The following MEGF11 variants were observed in gnomAD, a reference collection of about 807,000 sequenced individuals.
MEGF11 encodes the protein multiple EGF like domains 11, also known as multiple epidermal growth factor-like domains protein 11.
In MEGF11, 126 loss-of-function variants were observed where a neutral mutation model predicts 146.6. The observed-to-expected ratio is 0.86, with a 90% confidence interval of 0.74 to 1.00. MEGF11 has a LOEUF of 1.00. Among genes scored for constraint, MEGF11 ranks in the 50% least tolerant of loss-of-function variants. The pLI, the probability that MEGF11 is intolerant of heterozygous loss-of-function variation, is 0.00. For missense variants in MEGF11, 1,509 were observed against 1,521.2 expected (o/e 0.99, Z 0.13); for synonymous variants, 532 against 583.4 (o/e 0.91, Z 1.27).
chr15:66,031,516 A>G (rs2083518372), intron 5 of MEGF11, among the ~76,000 whole-genome samples: 1 of 152,126 alleles, frequency 6.6e-6, no homozygotes, highest in African/African-American at 2.4e-5. Context: ...CAGGATAACC[A>G]TTTCCCACTC....
At chr15:65,937,249 C>T (rs764385661) in intron 10 of MEGF11, among the ~76,000 whole-genome samples, 1 of 152,190 alleles carries the variant, frequency 6.6e-6, no homozygotes, top group Non-Finnish European at 1.5e-5. Flanking sequence ...GATCTTGTCA[C>T]ACACTGGAGA....
intron 5 of MEGF11, among the ~76,000 whole-genome samples, chr15:66,065,927 G>A (rs1321199748): frequency 6.6e-6 from 1 of 152,178 alleles, no homozygotes; most frequent in Non-Finnish European, 1.5e-5. Flanking sequence ...GGCCTGGGGT[G>A]AGGGCTGTGC....
chr15:66,229,187 A>T (rs2091913255), intron 1 of MEGF11, among the ~76,000 whole-genome samples: 1 of 152,088 alleles, frequency 6.6e-6, no homozygotes, highest in South Asian at 2.1e-4. Flanking sequence ...ACCCATCATG[A>T]CCAGAAACAA....
rs58588643 is a variant in MEGF11, at chr15:66,016,479, G to GTTTT, written c.395-33995_395-33992dup. Among the ~76,000 whole-genome samples, 18 of 127,690 alleles carry GTTTT rather than the reference G, an allele frequency of 1.4e-4. 1 individual carries two copies. Among genetic ancestry groups the GTTTT allele is most frequent in the Admixed American group, 2.5e-4 (3 of 11,930 alleles). 83.8% of individuals were successfully genotyped at this position (127,690 alleles called of 152,430 possible). ...AAAGACTCTGCTTTCCATCCATTCA[G>GTTTT]TTTTTTTTTTTTTTTTTTTTGGAAG... is the stretch of plus-strand genomic sequence containing the variant. On this transcript the variant is annotated intron_variant, in intron 5 of 25. Coordinates refer to ENST00000395614, the MANE Select transcript of MEGF11 (RefSeq NM_001385028.1).
chr15:66,250,034 A>G (rs1014255915), intron 1 of MEGF11, among the ~76,000 whole-genome samples: 2 of 152,198 alleles, frequency 1.3e-5, no homozygotes, highest in African/African-American at 4.8e-5. Flanking sequence ...CATCTGTACA[A>G]TGGGGCTCCA....
chr15:66,153,731 G>A (rs1454448482), intron 1 of MEGF11, among the ~76,000 whole-genome samples: 6 of 152,194 alleles, frequency 3.9e-5, no homozygotes, highest in Non-Finnish European at 5.9e-5. Context: ...CCAGAGCATG[G>A]CAAGTGATAG....
intron 10 of MEGF11, among the ~76,000 whole-genome samples, chr15:65,954,228 G>A (rs2080498888): frequency 6.6e-6 from 1 of 152,168 alleles, no homozygotes; most frequent in African/African-American, 2.4e-5. Flanking sequence ...CAAGGATAAA[G>A]GCGCGTACAT....
At chr15:66,036,903 T>C (rs2083746781) in intron 5 of MEGF11, among the ~76,000 whole-genome samples, 1 of 152,180 alleles carries the variant, frequency 6.6e-6, no homozygotes, top group Admixed American at 6.5e-5. Context: ...AATTCCTCCT[T>C]GCATTTTTTC....
In MEGF11 at chr15:66,139,347, G is replaced by C. The variant is rs1270638399; in HGVS notation, c.-8-10936C>G. 2.6e-5 allele frequency among the ~76,000 whole-genome samples: 4 copies of C among 152,178 alleles called. No individual in the cohort carries two copies. In the East Asian group the frequency reaches 7.7e-4, roughly 29 times the overall value. ...TGGAAAATGGTACATAAGTCCCAGAGTCACTGTGTGCCTGGCCTGATTAGT... is the reference window on the plus strand; with the variant it reads ...TGGAAAATGGTACATAAGTCCCAGACTCACTGTGTGCCTGGCCTGATTAGT... On this transcript the variant is annotated intron_variant, in intron 1 of 25. Transcript: ENST00000395614.
intron 1 of MEGF11, among the ~76,000 whole-genome samples, chr15:66,188,668 C>T (rs368262890): frequency 6.6e-6 from 1 of 152,184 alleles, no homozygotes; most frequent in Non-Finnish European, 1.5e-5. Context: ...GTACCTGAAC[C>T]CAGTATGCAG....
chr15:65,961,877 C>T (rs943053281), intron 9 of MEGF11, among the ~76,000 whole-genome samples: 2 of 152,174 alleles, frequency 1.3e-5, no homozygotes, highest in African/African-American at 2.4e-5. Context: ...TCCCACGTTC[C>T]TTATCTCAGG....
intron 1 of MEGF11, among the ~76,000 whole-genome samples, chr15:66,226,748 G>T (rs543674781): frequency 6.6e-6 from 1 of 152,016 alleles, no homozygotes; most frequent in Non-Finnish European, 1.5e-5. Context: ...CCACTGGGGG[G>T]GCTTGGAACA....
intron 1 of MEGF11, among the ~76,000 whole-genome samples, chr15:66,227,018 G>C (rs929356402): frequency 4.6e-5 from 7 of 152,210 alleles, no homozygotes; most frequent in Admixed American, 3.9e-4. Flanking sequence ...GATTCCCAGG[G>C]AGGTGGTGTG....
chr15:66,158,068 A>T (rs894679292), intron 1 of MEGF11, among the ~76,000 whole-genome samples: 1 of 152,188 alleles, frequency 6.6e-6, no homozygotes, highest in Non-Finnish European at 1.5e-5. Context: ...TGAAATGTTC[A>T]CTTGCGTGAA....
chr15:66,181,740 A>C (rs763678483), intron 1 of MEGF11, among the ~76,000 whole-genome samples: 2 of 152,162 alleles, frequency 1.3e-5, no homozygotes, highest in African/African-American at 2.4e-5. Context: ...ATTTTTCTTA[A>C]TTAAATTTTT....
intron 9 of MEGF11, among the ~76,000 whole-genome samples, chr15:65,958,218 T>C (rs2080726643): frequency 6.6e-6 from 1 of 152,244 alleles, no homozygotes; most frequent in Non-Finnish European, 1.5e-5. Flanking sequence ...AACAAGACTT[T>C]GGGCCAGATG....
At chr15:66,077,084 C>G (rs1277570588) in intron 5 of MEGF11, among the ~76,000 whole-genome samples, 1 of 152,210 alleles carries the variant, frequency 6.6e-6, no homozygotes, top group East Asian at 1.9e-4. Context: ...TCCCCATGCC[C>G]ACAGAATAAT....
In MEGF11 at chr15:65,896,447, G is replaced by C. The variant is rs1400119293; in HGVS notation, c.*1487C>G. The C allele has an allele frequency of 6.6e-6, 1 of 152,624 alleles. No individual in the cohort carries two copies. Among genetic ancestry groups the C allele is most frequent in the Non-Finnish European group, 1.5e-5 (1 of 68,044 alleles). 9.5% of individuals were successfully genotyped at this position (152,624 alleles called of 1,614,324 possible). ...GGGTTTCAGAACTCTCATACTTCCT[G>C]TAGCAGTATTCCAGCTTCGCAGTCA... On this transcript the variant is annotated 3_prime_UTR_variant, in exon 26 of 26. Transcript: ENST00000395614.
At chr15:66,093,753 C>G (rs965840789) in intron 5 of MEGF11, among the ~76,000 whole-genome samples, 1 of 152,174 alleles carries the variant, frequency 6.6e-6, no homozygotes, top group African/African-American at 2.4e-5. Context: ...GCCTTACCCT[C>G]TTGGTGGCCA....
Sources: allele counts gnomAD v4.1 joint callset (sites outside exome capture counted in the v4.1 genomes callset), GRCh38; gene constraint gnomAD v4.1.1; transcripts MANE v1.5; gene names NCBI Gene and HGNC (gene_info 2026-07-23, HGNC 2026-07-21).